UBE2L3: variants seen among roughly 807,000 people sequenced by gnomAD.
UBE2L3 encodes ubiquitin-conjugating enzyme E2 L3.
In UBE2L3, 1 loss-of-function variant was observed where a neutral mutation model predicts 17.8. The ratio of observed to expected loss-of-function variants is 0.06; its 90% CI spans 0.02 to 0.27. The LOEUF is 0.27. Ranked by LOEUF, UBE2L3 falls within the 10% of genes least tolerant of loss-of-function variation. The pLI is 1.00. For synonymous variants in UBE2L3, 44 were observed against 68.5 expected, an observed-to-expected ratio of 0.64 and a Z score of 1.76; for missense variants, 40 against 192.6, an observed-to-expected ratio of 0.21 and a Z score of 4.69.
intron 1 of UBE2L3, among the ~76,000 whole-genome samples, chr22:21,578,086 G>A (rs551258037): frequency 1.4e-4 from 21 of 152,080 alleles, no homozygotes; most frequent in Non-Finnish European, 2.6e-4. Flanking sequence ...GGCCGGGCAC[G>A]GTGGCTCAGG....
chr22:21,593,332 C>T (rs1237144190), intron 2 of UBE2L3, among the ~76,000 whole-genome samples: 1 of 152,196 alleles, frequency 6.6e-6, no homozygotes, highest in Non-Finnish European at 1.5e-5. Context: ...TGCTTTCTCT[C>T]TTGGTTTTGC....
intron 2 of UBE2L3, among the ~76,000 whole-genome samples, chr22:21,607,691 CTCTT>C (rs1464260948): frequency 6.6e-6 from 1 of 151,908 alleles, no homozygotes; most frequent in Non-Finnish European, 1.5e-5. Context: ...GGCCAAAAGA[CTCTT>C]TGCTGAGTCA....
At chr22:21,554,286 C>A in intron 1 of UBE2L3, among the ~76,000 whole-genome samples, 1 of 38,590 alleles carries the variant, frequency 2.6e-5, no homozygotes, top group African/African-American at 1.1e-4. Flanking sequence ...GGCCGAGATC[C>A]CGCCACTGCA....
At chr22:21,607,676 G>A (rs1333388750) in intron 2 of UBE2L3, among the ~76,000 whole-genome samples, 1 of 152,096 alleles carries the variant, frequency 6.6e-6, no homozygotes, top group Non-Finnish European at 1.5e-5. Flanking sequence ...GTAGGGTTGG[G>A]GAGAGGCCAA....
rs1345361385 is a variant in UBE2L3, at chr22:21,597,775, A to T, written c.123+4819A>T. ...GGATCTTTGATCCATTTATATGTAG[A>T]TTTTTTTTTTTTTTTTTTTTTTTTT... is the stretch of plus-strand genomic sequence containing the variant. On this transcript the variant is annotated intron_variant, in intron 2 of 3. Coordinates refer to ENST00000342192, the MANE Select transcript of UBE2L3 (RefSeq NM_003347.4). 1.4e-3 allele frequency among the ~76,000 whole-genome samples: 36 copies of T among 25,594 alleles called. No individual in the cohort carries two copies. The East Asian group carries it at 0.031, about 22-fold the overall frequency. The allele number at this position is 25,594 out of a possible 152,430, so 16.8% of individuals were successfully genotyped here. A position where few individuals can be genotyped will look rare whatever the true frequency, so the allele number is the denominator to read the frequency against.
At chr22:21,618,214 G>GTGAAAA (rs1929876418) in intron 3 of UBE2L3, among the ~76,000 whole-genome samples, 2 of 151,382 alleles carry the variant, frequency 1.3e-5, no homozygotes, top group African/African-American at 4.9e-5. Context: ...GATCAAATTA[G>GTGAAAA]TGAAACTATA....
intron 1 of UBE2L3, among the ~76,000 whole-genome samples, chr22:21,557,554 G>C (rs1230395391): frequency 6.6e-6 from 1 of 151,700 alleles, no homozygotes; most frequent in African/African-American, 2.4e-5. Context: ...ACAGAGTCTC[G>C]CTCTGTCACC....
At chr22:21,619,820 T>C (rs1929962884) in intron 3 of UBE2L3, among the ~76,000 whole-genome samples, 1 of 152,176 alleles carries the variant, frequency 6.6e-6, no homozygotes, top group African/African-American at 2.4e-5. Flanking sequence ...GCCTCCTGAG[T>C]AGCTGGGACT....
At chr22:21,552,920 T>C (rs1926122735) in intron 1 of UBE2L3, among the ~76,000 whole-genome samples, 2 of 112,240 alleles carry the variant, frequency 1.8e-5, no homozygotes, top group Non-Finnish European at 3.8e-5. Context: ...AGAGATGGGG[T>C]TTCACCATGT....
chr22:21,607,390 C>T (rs893579022), intron 2 of UBE2L3, among the ~76,000 whole-genome samples: 1 of 151,754 alleles, frequency 6.6e-6, no homozygotes, highest in Non-Finnish European at 1.5e-5. Context: ...TAGCGGGTAC[C>T]TGTAATCCCA....
chr22:21,589,726 T>G (rs909749308), intron 1 of UBE2L3, among the ~76,000 whole-genome samples: 26 of 152,190 alleles, frequency 1.7e-4, no homozygotes, highest in African/African-American at 6.3e-4. Flanking sequence ...AGGGCCTGTT[T>G]GTTTGTTTGC....
intron 1 of UBE2L3, among the ~76,000 whole-genome samples, chr22:21,570,357 GTATT>G (rs1568969946): frequency 6.6e-6 from 1 of 152,098 alleles, no homozygotes; most frequent in Non-Finnish European, 1.5e-5. Flanking sequence ...CATTAACTGA[GTATT>G]TATTAAGTAT....
intron 1 of UBE2L3, among the ~76,000 whole-genome samples, chr22:21,576,847 A>G (rs1601401322): frequency 8.0e-6 from 1 of 125,206 alleles, no homozygotes; most frequent in East Asian, 2.5e-4. Context: ...TCTGTCGCCC[A>G]AGCTGGAGTG....
At chr22:21,611,154 GA>G in intron 3 of UBE2L3, 111 bp downstream of exon 3, 1 of 1,258,298 alleles carries the variant, frequency 7.9e-7, no homozygotes, top group Non-Finnish European at 1.1e-6. Flanking sequence ...TCAGGTACAC[GA>G]AAAATGTAGC....
At chr22:21,588,817 C>T (rs1436300575) in intron 1 of UBE2L3, among the ~76,000 whole-genome samples, 1 of 152,040 alleles carries the variant, frequency 6.6e-6, no homozygotes, top group Non-Finnish European at 1.5e-5. Flanking sequence ...TGCCTGCCAC[C>T]ACGCCCGGCT....
At chr22:21,561,538 C>T (rs1294091948) in intron 1 of UBE2L3, among the ~76,000 whole-genome samples, 2 of 152,224 alleles carry the variant, frequency 1.3e-5, no homozygotes, top group African/African-American at 4.8e-5. Flanking sequence ...GCCATGATCA[C>T]ACCACTATAC....
At chr22:21,567,937 C>T (rs1340948894) in intron 1 of UBE2L3, 166 bp downstream of exon 1, 1 of 1,425,496 alleles carries the variant, frequency 7.0e-7, no homozygotes, top group African/African-American at 1.5e-5. Context: ...ACGGGGCTGG[C>T]CTAGGCCGCA....
At chr22:21,603,538 A>AAAG (rs1168339470) in intron 2 of UBE2L3, among the ~76,000 whole-genome samples, 184 of 148,298 alleles carry the variant, frequency 1.2e-3, no homozygotes, top group Non-Finnish European at 2.4e-3. Context: ...TTAAAAAAAA[A>AAAG]AAAAAAAAAA....
chr22:21,596,536 A>G (rs1181824656), intron 2 of UBE2L3, among the ~76,000 whole-genome samples: 1 of 151,758 alleles, frequency 6.6e-6, no homozygotes, highest in Admixed American at 6.6e-5. Flanking sequence ...ATGCCCAGCT[A>G]ATTTTTGTTC....
Sources: gnomAD v4.1 joint callset for allele counts (sites outside exome capture counted in the v4.1 genomes callset) on GRCh38, gnomAD v4.1.1 for gene constraint, MANE v1.5 for transcripts, NCBI Gene and HGNC (gene_info 2026-07-23, HGNC 2026-07-21) for gene names.